The following ZNF57 variants were observed in gnomAD, a reference collection of about 807,000 sequenced individuals.
ZNF57 encodes zinc finger protein 57.
ZNF57 carries 11 observed loss-of-function variants against 13.4 expected under a neutral mutation model. The observed-to-expected ratio is 0.82, with a 90% CI of 0.52 to 1.36. The LOEUF is 1.36. Among genes scored for constraint, ZNF57 ranks in the 40% most tolerant of loss-of-function variants. The probability of loss-of-function intolerance (pLI) is 0.00; values close to 1 mark genes in which losing one functional copy is unlikely to be tolerated. For synonymous variants in ZNF57, 224 were observed against 238.5 expected (o/e 0.94, Z 0.56); for missense variants, 696 against 667.5 (o/e 1.04, Z -0.47).
rs1218925081 is a variant in ZNF57, at chr19:2,918,286, C to T, written c.1665C>T (p.His555=). The T allele has an allele frequency of 1.9e-6, 3 of 1,586,626 alleles. No individual in the cohort carries two copies. The highest frequency in any genetic ancestry group is 2.6e-6 in the Non-Finnish European group (3 of 1,166,522). The part of the protein sequence containing the change: ...VILSKTSEST[H] ...TTTCTAAAACCAGTGAGAGCACACA[C>T]TAAAGAGAAATTCTATAACTTTAAT... Residue 555 remains histidine (H), a synonymous_variant, in exon 4 of 4, where the codon CAC becomes CAT. Transcript: ENST00000306908.
intron 1 of ZNF57, among the ~76,000 whole-genome samples, chr19:2,901,551 C>T (rs1468703186): frequency 6.6e-6 from 1 of 151,492 alleles, no homozygotes; most frequent in Non-Finnish European, 1.5e-5. Context: ...GGACGGAGTC[C>T]CGCTCTGTCG....
intron 1 of ZNF57, among the ~76,000 whole-genome samples, chr19:2,909,514 C>T (rs1226947942): frequency 5.9e-5 from 3 of 51,044 alleles, no homozygotes; most frequent in Admixed American, 2.2e-4. Flanking sequence ...CGTCGTGATC[C>T]GCACGCCTCG....
chr19:2,904,009 C>A (rs1371764470), intron 1 of ZNF57, among the ~76,000 whole-genome samples: 1 of 152,214 alleles, frequency 6.6e-6, no homozygotes, highest in Non-Finnish European at 1.5e-5. Context: ...GCCACCGCGC[C>A]CGGCCCATTC....
chr19:2,911,778 G>A (rs560236840), intron 1 of ZNF57, among the ~76,000 whole-genome samples: 20 of 152,152 alleles, frequency 1.3e-4, no homozygotes, highest in Non-Finnish European at 2.8e-4. Flanking sequence ...CTCCATTTCT[G>A]TTACAGTGCT....
At position 2,917,905 on chromosome 19, in the gene ZNF57, C is replaced by T. The variant is rs1254300801; in HGVS notation, c.1284C>T (p.Thr428=). 9 of 1,613,846 alleles carry T rather than the reference C, an allele frequency of 5.6e-6. No homozygotes were observed. The highest frequency in any genetic ancestry group is 7.6e-6 in the Non-Finnish European group (9 of 1,179,994). The change falls in exon 4 of 4, where the codon ACC becomes ACT. Residue 428 remains threonine (T), a synonymous_variant. Transcript: ENST00000306908. ...ATGAGTGTAAACAATGTGGAAAAACCTTCACTTGGTCCTCAACGTTTAGAG... is the reference window on the plus strand; with the variant it reads ...ATGAGTGTAAACAATGTGGAAAAACTTTCACTTGGTCCTCAACGTTTAGAG... ...KPYECKQCGK[T]FTWSSTFREH... is the part of the protein sequence containing the mutation.
intron 1 of ZNF57, among the ~76,000 whole-genome samples, chr19:2,913,063 CCCT>C (rs2088154788): frequency 6.6e-6 from 1 of 152,168 alleles, no homozygotes; most frequent in South Asian, 2.1e-4. Context: ...AAGCGATTCT[CCCT>C]CCTCAGCCTC....
At chr19:2,909,282 T>TTTA (rs1568180652) in intron 1 of ZNF57, among the ~76,000 whole-genome samples, 2 of 44,294 alleles carry the variant, frequency 4.5e-5, no homozygotes, top group Non-Finnish European at 9.9e-5. Context: ...TTTATTTTTG[T>TTTA]TTTTTTTTTT....
At position 2,917,381 on chromosome 19, in the gene ZNF57, T is replaced by C. The variant is rs2088214977; in HGVS notation, c.760T>C (p.Cys254Arg). The C allele has an allele frequency of 6.2e-7, 1 of 1,614,188 alleles. No individual in the cohort carries two copies. The highest frequency in any genetic ancestry group is 8.5e-7 in the Non-Finnish European group (1 of 1,180,040). ...RTHTKDRPYK[C>R]QECGRAFIYP... ...TCACACAAAAGACAGGCCATATAAA[T>C]GTCAGGAATGTGGGAGAGCCTTCAT... Residue 254 changes from cysteine (C) to arginine (R), a missense_variant, in exon 4 of 4, where the codon TGT becomes CGT. Physicochemically the swap from Cys to Arg is radical, Grantham distance 180. Coordinates refer to ENST00000306908, the MANE Select transcript of ZNF57 (RefSeq NM_173480.3).
chr19:2,918,103 T>C lies in ZNF57; in HGVS notation c.1482T>C (p.His494=), dbSNP rs761850442. The change falls in exon 4 of 4, where the codon CAT becomes CAC. Residue 494 remains histidine (H), a synonymous_variant. Coordinates refer to ENST00000306908, the MANE Select transcript of ZNF57 (RefSeq NM_173480.3). ...CTTGGTCCTCAACCTTACATAATCA[T>C]GTGAGGATGCACACTGGAGAGAAAC... is the stretch of plus-strand genomic sequence containing the variant. ...TFTWSSTLHN[H]VRMHTGEKPH... is the part of the protein sequence containing the mutation. The C allele has an allele frequency of 3.1e-6, 5 of 1,614,228 alleles. No individual in the cohort carries two copies. The South Asian group carries it at 4.4e-5, about 14-fold the overall frequency.
chr19:2,907,903 T>TGTGTCTCCTTATGTCGCCC (rs2088090522), intron 1 of ZNF57, among the ~76,000 whole-genome samples: 2 of 152,274 alleles, frequency 1.3e-5, no homozygotes, highest in South Asian at 4.1e-4. Context: ...AATTGTAGAC[T>TGTGTCTCCTTATGTCGCCC]GTGTCTCCTT....
intron 2 of ZNF57, 99 bp from the exon 3 acceptor site, chr19:2,915,979 G>A (rs2088188983): frequency 4.5e-6 from 6 of 1,334,502 alleles, no homozygotes; most frequent in Non-Finnish European, 6.2e-6. Flanking sequence ...CCTTATGTCT[G>A]TTATTGATGA....
Position 2,916,219 on chromosome 19 carries a change from A to G in ZNF57, c.272A>G (p.Tyr91Cys), listed in dbSNP as rs767653865. Residue 91 changes from tyrosine (Y) to cysteine (C), a missense_variant, in exon 3 of 4, where the codon TAT becomes TGT. By Grantham distance (194) the Tyr-to-Cys change is radical. Coordinates refer to ENST00000306908, the MANE Select transcript of ZNF57 (RefSeq NM_173480.3). ...ACTTTAGAAAAAAATTGTGAAGGCT[A>G]TGGCACTGAAGACCACCACAAAAAT... ...AYTLEKNCEG[Y>C]GTEDHHKNLR... 1.5e-5 allele frequency: 24 copies of G among 1,612,304 alleles called. No individual in the cohort carries two copies. The highest frequency in any genetic ancestry group is 2.0e-5 in the Non-Finnish European group (24 of 1,179,444).
intron 1 of ZNF57, among the ~76,000 whole-genome samples, chr19:2,909,287 T>G (rs1568180678): frequency 2.2e-5 from 3 of 134,100 alleles, no homozygotes; most frequent in South Asian, 2.6e-4. Flanking sequence ...TTTTGTTTTT[T>G]TTTTTTTTTT....
chr19:2,903,732 T>C (rs11084970), intron 1 of ZNF57, among the ~76,000 whole-genome samples: 120,406 of 149,828 alleles, frequency 0.8, 49,136 homozygotes, highest in Non-Finnish European at 0.88. Context: ...TTTTTTTTTT[T>C]CAGGCAGGGT....
rs1431829129 is a variant in ZNF57 at position 2,917,368 on chromosome 19, C to T, written c.747C>T (p.Asp249=). 4 of 1,614,220 alleles carry T rather than the reference C, an allele frequency of 2.5e-6. No homozygotes were observed. The highest frequency in any genetic ancestry group is 2.5e-6 in the Non-Finnish European group (3 of 1,180,054). ...GACATGTGAGAACTCACACAAAAGA[C>T]AGGCCATATAAATGTCAGGAATGTG... ...FTRHVRTHTK[D]RPYKCQECGR... The change falls in exon 4 of 4, where the codon GAC becomes GAT. Residue 249 remains aspartate, a synonymous_variant. Coordinates refer to ENST00000306908, the MANE Select transcript of ZNF57 (RefSeq NM_173480.3).
intron 1 of ZNF57, among the ~76,000 whole-genome samples, chr19:2,902,611 A>G (rs1426948330): frequency 6.6e-6 from 1 of 152,152 alleles, no homozygotes. Context: ...TCTTCCATAC[A>G]AGGTGCAGAG....
In ZNF57 at chr19:2,917,300, G is replaced by C; in HGVS notation, c.679G>C (p.Glu227Gln). 1 of 1,614,028 alleles carries C rather than the reference G, an allele frequency of 6.2e-7. No homozygotes were observed. Among genetic ancestry groups the C allele is most frequent in the Non-Finnish European group, 8.5e-7 (1 of 1,179,956 alleles). ...CACAGCAGAGAAAACCTACAAATGC[G>C]AGCAGTGTCGGATGGCGTTTAATGG... Reference protein sequence around the residue: ...THTAEKTYKCEQCRMAFNGFA... With the variant: ...THTAEKTYKCQQCRMAFNGFA... The change falls in exon 4 of 4, where the codon GAG (glutamate) becomes CAG (glutamine). Residue 227 changes from glutamate (E) to glutamine (Q), a missense_variant. Physicochemically the swap from Glu to Gln is conservative, Grantham distance 29. This residue lies in a region of ZNF57 where 645 missense variants were observed against 591.5 expected (regional missense o/e 1.09). Coordinates refer to ENST00000306908, the MANE Select transcript of ZNF57 (RefSeq NM_173480.3).
Position 2,915,664 on chromosome 19 carries a change from T to C in ZNF57, c.130+16T>C, listed in dbSNP as rs1288608266. ...GCCTCAGTAGGTGAGGATGGCATCATTCCTTCCCTTGGTTTTTAATGAACT... is the reference window on the plus strand; with the variant it reads ...GCCTCAGTAGGTGAGGATGGCATCACTCCTTCCCTTGGTTTTTAATGAACT... On this transcript the variant is annotated intron_variant, in intron 2 of 3. Coordinates refer to ENST00000306908, the MANE Select transcript of ZNF57 (RefSeq NM_173480.3). 1.9e-6 allele frequency: 3 copies of C among 1,613,498 alleles called. No individual in the cohort carries two copies. Among genetic ancestry groups the C allele is most frequent in the East Asian group, 4.5e-5 (2 of 44,844 alleles).
chr19:2,906,537 C>T (rs1035365662), intron 1 of ZNF57, among the ~76,000 whole-genome samples: 4 of 152,168 alleles, frequency 2.6e-5, no homozygotes, highest in Non-Finnish European at 5.9e-5. Flanking sequence ...CAGCCTTGCC[C>T]GTCTACCCAT....
Sources: allele counts gnomAD v4.1 joint callset (sites outside exome capture counted in the v4.1 genomes callset), GRCh38; gene constraint gnomAD v4.1.1; regional missense constraint gnomAD v4.1.1; transcripts MANE v1.5; gene names NCBI Gene and HGNC (gene_info 2026-07-23, HGNC 2026-07-21).